MYO1E: variants seen among roughly 807,000 people sequenced by gnomAD.
The protein encoded by MYO1E is myosin IE, also known as unconventional myosin-Ie.
In MYO1E, 68 loss-of-function variants were observed where a neutral mutation model predicts 151.1. The ratio of observed to expected loss-of-function variants is 0.45; its 90% CI spans 0.37 to 0.55. The LOEUF (loss-of-function observed/expected upper bound fraction) is 0.55, where lower values mean the gene tolerates loss of function less well. MYO1E is among the 20% of genes least tolerant of loss of function. The pLI is 0.00. For missense variants in MYO1E, 1,363 were observed against 1,389.3 expected (o/e 0.98, Z 0.30); for synonymous variants, 601 against 501.7 (o/e 1.20, Z -2.64).
chr15:59,340,021 T>C (rs1452274910), intron 1 of MYO1E, among the ~76,000 whole-genome samples: 1 of 151,980 alleles, frequency 6.6e-6, no homozygotes, highest in Non-Finnish European at 1.5e-5. Context: ...CTAATTTTTT[T>C]GTTGTTGTAT....
At chr15:59,285,406 G>A (rs1230448318) in intron 1 of MYO1E, among the ~76,000 whole-genome samples, 1 of 131,036 alleles carries the variant, frequency 7.6e-6, no homozygotes, top group African/African-American at 2.8e-5. Flanking sequence ...CGCCCAGGCT[G>A]GAGTGCAGTG....
At chr15:59,275,993 T>A (rs2080316458) in intron 1 of MYO1E, among the ~76,000 whole-genome samples, 2 of 152,166 alleles carry the variant, frequency 1.3e-5, no homozygotes, top group South Asian at 4.1e-4. Context: ...TGGGGCATTG[T>A]TACCACGCAC....
chr15:59,337,609 T>C (rs2080737145), intron 1 of MYO1E, among the ~76,000 whole-genome samples: 1 of 152,144 alleles, frequency 6.6e-6, no homozygotes, highest in African/African-American at 2.4e-5. Flanking sequence ...GGCAGACAAA[T>C]CACTTGAGGT....
At chr15:59,253,120 T>G (rs1226695232) in intron 4 of MYO1E, among the ~76,000 whole-genome samples, 1 of 152,220 alleles carries the variant, frequency 6.6e-6, no homozygotes, top group East Asian at 1.9e-4. Flanking sequence ...GGTACAATAT[T>G]AAAAGTCCAC....
chr15:59,256,755 C>G (rs1283645702), intron 3 of MYO1E, among the ~76,000 whole-genome samples: 1 of 152,186 alleles, frequency 6.6e-6, no homozygotes, highest in Admixed American at 6.5e-5. Context: ...ACTTGGGCAA[C>G]AGGTCTTTGG....
At position 59,236,363 on chromosome 15, in the gene MYO1E, A is replaced by AAAAAT. The variant is rs1387709265; in HGVS notation, c.420+221_420+222insATTTT. ...TCTGTCTCAAAAAAGAAAAAAAAAAAATATATACACACACACACACACACA... is the reference window on the plus strand; with the variant it reads ...TCTGTCTCAAAAAAGAAAAAAAAAAAAAAATATATATACACACACACACACACACA... On this transcript the variant is annotated intron_variant, in intron 5 of 27. Transcript: ENST00000288235. 2.1e-4 allele frequency among the ~76,000 whole-genome samples: 13 copies of AAAAAT among 60,814 alleles called. No individual in the cohort carries two copies. The East Asian group carries it at 3.5e-3, about 17-fold the overall frequency. 39.9% of individuals were successfully genotyped at this position (60,814 alleles called of 152,430 possible).
At chr15:59,214,415 T>C in intron 11 of MYO1E, 101 bp from the exon 12 acceptor site, 2 of 1,000,196 alleles carry the variant, frequency 2.0e-6, no homozygotes, top group East Asian at 2.5e-5. Context: ...AAAGCTTTAA[T>C]AGAAATGTTG....
chr15:59,181,699 A>C (rs189163150), intron 18 of MYO1E, among the ~76,000 whole-genome samples: 28 of 152,378 alleles, frequency 1.8e-4, no homozygotes, highest in African/African-American at 6.5e-4. Context: ...TTTCCTAAGC[A>C]AACACTATGC....
At chr15:59,257,499 G>A (rs1288638733) in intron 3 of MYO1E, among the ~76,000 whole-genome samples, 2 of 151,972 alleles carry the variant, frequency 1.3e-5, no homozygotes, top group Non-Finnish European at 2.9e-5. Context: ...AAGACAGAGT[G>A]ATATACAAAG....
chr15:59,364,556 G>C (rs942866004), intron 1 of MYO1E, among the ~76,000 whole-genome samples: 2 of 152,162 alleles, frequency 1.3e-5, no homozygotes, highest in Non-Finnish European at 2.9e-5. Context: ...TGTAAAACAA[G>C]TGGAAAAATA....
At chr15:59,176,476 G>A (rs1187351757) in intron 19 of MYO1E, among the ~76,000 whole-genome samples, 1 of 138,600 alleles carries the variant, frequency 7.2e-6, no homozygotes. Context: ...CTTTTTTTTA[G>A]AGAAAGGGTC....
chr15:59,158,448 C>T, intron 24 of MYO1E, 69 bp from the exon 25 acceptor site: 1 of 1,271,474 alleles, frequency 7.9e-7, no homozygotes, highest in Non-Finnish European at 1.1e-6. Context: ...TGGTTCTTTG[C>T]ATATGGAAAA....
chr15:59,277,564 A>ACAAAAAAAAAAAAC (rs71119452), intron 1 of MYO1E, among the ~76,000 whole-genome samples: 3 of 139,794 alleles, frequency 2.1e-5, no homozygotes, highest in Admixed American at 2.1e-4. Flanking sequence ...AAAAAAAAAA[A>ACAAAAAAAAAAAAC]AAAAAAAAAC....
At chr15:59,230,926 A>C (rs140628228) in intron 6 of MYO1E, among the ~76,000 whole-genome samples, 1 of 152,384 alleles carries the variant, frequency 6.6e-6, no homozygotes, top group African/African-American at 2.4e-5. Context: ...ATATAAATCA[A>C]GGTTACTGGA....
At chr15:59,296,558 G>A (rs1024154080) in intron 1 of MYO1E, among the ~76,000 whole-genome samples, 11 of 152,272 alleles carry the variant, frequency 7.2e-5, no homozygotes, top group Middle Eastern at 3.4e-3. Flanking sequence ...AATTGCCCTT[G>A]AAACACAGTC....
At chr15:59,305,675 A>G (rs2140406719) in intron 1 of MYO1E, among the ~76,000 whole-genome samples, 1 of 152,344 alleles carries the variant, frequency 6.6e-6, no homozygotes, top group East Asian at 1.9e-4. Flanking sequence ...ATGGACAGAC[A>G]GAGGCTGACC....
At position 59,223,153 on chromosome 15, in the gene MYO1E, T is replaced by C. The variant is rs756656596; in HGVS notation, c.816A>G (p.Gln272=). 1.2e-6 allele frequency: 2 copies of C among 1,614,202 alleles called. No individual in the cohort carries two copies. Among genetic ancestry groups the C allele is most frequent in the Non-Finnish European group, 1.7e-6 (2 of 1,180,030 alleles). The change falls in exon 9 of 28, where the codon CAA becomes CAG. Residue 272 remains glutamine, a synonymous_variant. Coordinates refer to ENST00000288235, the MANE Select transcript of MYO1E (RefSeq NM_004998.4). ...CCGCCACTATCTGCAACACCAGCGT[T>C]TGCTCTTCTGCAAAGATCCCAATCA... ...MNVIGIFAEE[Q]TLVLQIVAGI... is the part of the protein sequence containing the mutation.
intron 1 of MYO1E, among the ~76,000 whole-genome samples, chr15:59,300,866 C>CT (rs58955743): frequency 0.013 from 1,596 of 127,088 alleles, 12 homozygotes; most frequent in East Asian, 0.026. Context: ...CCTTTTTTTT[C>CT]TTTTTTTTTT....
intron 16 of MYO1E, among the ~76,000 whole-genome samples, chr15:59,196,673 G>A (rs1351453908): frequency 1.3e-5 from 2 of 152,188 alleles, no homozygotes; most frequent in African/African-American, 4.8e-5. Context: ...ATATTCATTG[G>A]TGAATTAAGT....
Sources: allele counts gnomAD v4.1 joint callset (sites outside exome capture counted in the v4.1 genomes callset), GRCh38; gene constraint gnomAD v4.1.1; transcripts MANE v1.5; gene names NCBI Gene and HGNC (gene_info 2026-07-23, HGNC 2026-07-21).